The following MROH2A variants were observed in gnomAD, a reference collection of about 807,000 sequenced individuals.
The protein encoded by MROH2A is maestro heat-like repeat-containing protein family member 2A.
MROH2A carries 174 observed loss-of-function variants against 200.4 expected under a neutral mutation model. That is an observed-to-expected ratio of 0.87 (90% confidence interval 0.77 to 0.98). The LOEUF is 0.98. Ranked by LOEUF, MROH2A falls within the 50% of genes least tolerant of loss-of-function variation. The pLI is 0.00. For missense variants in MROH2A, 2,045 were observed against 2,139.6 expected (o/e 0.96, Z 0.87); for synonymous variants, 829 against 840.4 (o/e 0.99, Z 0.23).
At chr2:233,776,796 A>G (rs1700719723), upstream of MROH2A, among the ~76,000 whole-genome samples, 1 of 152,044 alleles carries the variant, frequency 6.6e-6, no homozygotes. Context: ...GGAGGAATCT[A>G]TTTCTCCAGC....
At chr2:233,809,804 T>A (rs1368751806) in intron 22 of MROH2A, among the ~76,000 whole-genome samples, 7 of 151,434 alleles carry the variant, frequency 4.6e-5, no homozygotes, top group Non-Finnish European at 1.5e-5. Context: ...TTCAGTGGCA[T>A]GAGGTACATT....
chr2:233,819,676 G>A (rs1703801118), intron 30 of MROH2A, among the ~76,000 whole-genome samples: 1 of 152,232 alleles, frequency 6.6e-6, no homozygotes, highest in South Asian at 2.1e-4. Flanking sequence ...ACGCTGACCT[G>A]GAGATCAAGG....
At position 233,799,806 on chromosome 2, in the gene MROH2A, T is replaced by C. The variant is rs750071338; in HGVS notation, c.1356T>C (p.Ile452=). ...TGAGGATGGCTATTCTCCACATCAT[T>C]GGGCAGTTGGCTCTCTGTGGCTACC... ...SKVRMAILHI[I]GQLALCGYQE... Residue 452 remains isoleucine, a synonymous_variant, in exon 13 of 42, where the codon ATT becomes ATC. Transcript: ENST00000389758. The C allele has an allele frequency of 6.4e-7, 1 of 1,550,452 alleles. No individual in the cohort carries two copies.
chr2:233,811,061 A>G, intron 23 of MROH2A, 145 bp downstream of exon 23: 1 of 905,570 alleles, frequency 1.1e-6, no homozygotes. Context: ...TCCTAACTGT[A>G]GGAGTTCTGA....
At position 233,823,025 on chromosome 2, in the gene MROH2A, C is replaced by T. The variant is rs1282516925; in HGVS notation, c.4004+7C>T. On this transcript the variant is annotated splice_region_variant and intron_variant, in intron 34 of 41. Transcript: ENST00000389758. ...GTGTGAGCCTGCTGGCCAGGTGGGC[C>T]CTGGCTCCCACAGGGTGGCAGGGGG... 3.2e-6 allele frequency: 5 copies of T among 1,549,908 alleles called. No individual in the cohort carries two copies. Among genetic ancestry groups the T allele is most frequent in the Non-Finnish European group, 4.4e-6 (5 of 1,146,868 alleles).
chr2:233,812,024 G>A (rs1421319829), intron 24 of MROH2A, 65 bp downstream of exon 24: 2 of 1,137,386 alleles, frequency 1.8e-6, no homozygotes, highest in Non-Finnish European at 1.3e-6. Flanking sequence ...CCATTCCTCG[G>A]TGCTCCTTCA....
chr2:233,783,411 T>G (rs1701044111), intron 3 of MROH2A, among the ~76,000 whole-genome samples: 1 of 152,204 alleles, frequency 6.6e-6, no homozygotes, highest in Non-Finnish European at 1.5e-5. Flanking sequence ...TACTGGTTCA[T>G]CGGAGTTTTC....
rs903159517 is a variant in MROH2A, at chr2:233,790,049, T to C, written c.571+35T>C. The C allele has an allele frequency of 5.9e-6, 9 of 1,516,050 alleles. No homozygotes were observed. In the Admixed American group the frequency reaches 1.2e-4, roughly 21 times the overall value. 93.9% of individuals were successfully genotyped at this position (1,516,050 alleles called of 1,614,324 possible). ...TGAGGGCCCTCAGCCGGGCCCAGTG[T>C]GCCCTTCTGGTCTCTGCCTCTCTCT... On this transcript the variant is annotated intron_variant, in intron 5 of 41. Coordinates refer to ENST00000389758, the MANE Select transcript of MROH2A (RefSeq NM_001394639.1).
chr2:233,802,566 C>T (rs953940198), intron 15 of MROH2A: 2 of 410,510 alleles, frequency 4.9e-6, no homozygotes, highest in Non-Finnish European at 4.4e-6. Context: ...AGCCCACAGC[C>T]CTGGTCCAGA....
At chr2:233,790,101 C>A in intron 5 of MROH2A, 87 bp downstream of exon 5, 1 of 1,216,302 alleles carries the variant, frequency 8.2e-7, no homozygotes, top group Non-Finnish European at 1.1e-6. Flanking sequence ...CCTATGTTCA[C>A]CTCTTCCTCT....
chr2:233,804,060 T>C lies in MROH2A; in HGVS notation c.1759T>C (p.Ser587Pro). ...KLLARLLVLMSSPYKGEGRGI... is the reference protein window; with the variant it reads ...KLLARLLVLMPSPYKGEGRGI... The stretch of plus-strand genomic sequence containing the variant: ...CCTTGGTGCCCTCCAGGTGCTGATG[T>C]CATCACCTTACAAGGGGGAGGGTCG... Residue 587 changes from serine to proline, a missense_variant, in exon 17 of 42, where the codon TCA (serine) becomes CCA (proline). Coordinates refer to ENST00000389758, the MANE Select transcript of MROH2A (RefSeq NM_001394639.1). 1 of 1,550,546 alleles carries C rather than the reference T, an allele frequency of 6.4e-7. No individual in the cohort carries two copies. Among genetic ancestry groups the C allele is most frequent in the East Asian group, 2.4e-5 (1 of 40,916 alleles).
In MROH2A at chr2:233,833,353, A is replaced by C; in HGVS notation, c.*94A>C. 1 of 1,311,358 alleles carries C rather than the reference A, an allele frequency of 7.6e-7. No homozygotes were observed. Among genetic ancestry groups the C allele is most frequent in the Middle Eastern group, 1.9e-4 (1 of 5,214 alleles). The allele number at this position is 1,311,358 out of a possible 1,614,324, so 81.2% of individuals were successfully genotyped here. A position where few individuals can be genotyped will look rare whatever the true frequency, so the allele number is the denominator to read the frequency against. On this transcript the variant is annotated 3_prime_UTR_variant, in exon 42 of 42. Coordinates refer to ENST00000389758, the MANE Select transcript of MROH2A (RefSeq NM_001394639.1). ...AAGAAGTTTAGTTTGTAGGAAAAACACTATTGTAAAATAACTAGTATCCTT... is the reference window on the plus strand; with the variant it reads ...AAGAAGTTTAGTTTGTAGGAAAAACCCTATTGTAAAATAACTAGTATCCTT...
In MROH2A at chr2:233,807,854, G is replaced by A. The variant is rs1052175675; in HGVS notation, c.2294G>A (p.Arg765Gln). The A allele has an allele frequency of 4.5e-6, 7 of 1,550,926 alleles. No individual in the cohort carries two copies. Among genetic ancestry groups the A allele is most frequent in the Admixed American group, 2.0e-5 (1 of 50,968 alleles). ...SEQSWQISAW[R>Q]KDHPWRRETV... ...CAGTCCTGGCAGATCAGTGCTTGGCGGGTAAGCCACCTTCCCTCCACAACT... is the reference window on the plus strand; with the variant it reads ...CAGTCCTGGCAGATCAGTGCTTGGCAGGTAAGCCACCTTCCCTCCACAACT... The change falls in exon 21 of 42, where the codon CGG becomes CAG. Residue 765 changes from arginine to glutamine, a missense_variant and splice_region_variant. Coordinates refer to ENST00000389758, the MANE Select transcript of MROH2A (RefSeq NM_001394639.1). This position sits in a 1 kb window ranked among gnomAD's most constrained non-coding sequence, Gnocchi z 4.3.
intron 21 of MROH2A, among the ~76,000 whole-genome samples, chr2:233,808,257 G>A (rs10189367): frequency 0.6 from 91,696 of 152,020 alleles, 27,870 homozygotes; most frequent in Middle Eastern, 0.7. Flanking sequence ...TGCCTCAGTG[G>A]ATGGACGGTG....
In MROH2A at chr2:233,832,190, C is replaced by T. The variant is rs922164827; in HGVS notation, c.4748C>T (p.Pro1583Leu). 4.3e-5 allele frequency: 66 copies of T among 1,550,438 alleles called. 1 individual carries two copies. In the Middle Eastern group the frequency reaches 6.7e-4, roughly 16 times the overall value. The part of the protein sequence containing the change: ...TMCSILTRKK[P>L]AVLYRFLLET... ...TACTTTTTGCAGACTCGGAAAAAGCCGGCTGTTCTCTACCGCTTCTTGCTA... is the reference window on the plus strand; with the variant it reads ...TACTTTTTGCAGACTCGGAAAAAGCTGGCTGTTCTCTACCGCTTCTTGCTA... Residue 1583 changes from proline (P) to leucine (L), a missense_variant, in exon 40 of 42, where the codon CCG becomes CTG. Pro to Leu is a moderately conservative substitution (Grantham distance 98). Coordinates refer to ENST00000389758, the MANE Select transcript of MROH2A (RefSeq NM_001394639.1).
intron 23 of MROH2A, 115 bp downstream of exon 23, chr2:233,811,031 C>CTGAGGGCAT: frequency 8.4e-7 from 1 of 1,197,040 alleles, no homozygotes; most frequent in Admixed American, 2.5e-5. Context: ...GAAGTCCTTC[C>CTGAGGGCAT]CTGTCTTGGC....
At chr2:233,824,850 A>C (rs571244982) in intron 35 of MROH2A, among the ~76,000 whole-genome samples, 2 of 152,312 alleles carry the variant, frequency 1.3e-5, no homozygotes, top group Non-Finnish European at 2.9e-5. Context: ...TTTTTTTCTA[A>C]TTCTGTGAAG....
At chr2:233,784,181 G>A (rs749488761) in intron 3 of MROH2A, among the ~76,000 whole-genome samples, 18 of 151,746 alleles carry the variant, frequency 1.2e-4, no homozygotes, top group East Asian at 3.9e-4. Context: ...TTTTATTGTC[G>A]TAAACTTCCC....
chr2:233,787,647 T>TATATATCATATATA (rs1701316504), intron 3 of MROH2A, among the ~76,000 whole-genome samples: 1 of 40,542 alleles, frequency 2.5e-5, no homozygotes, highest in African/African-American at 1.4e-4. Context: ...ATTATATATA[T>TATATATCATATATA]CATATATACA....
Sources: allele counts gnomAD v4.1 joint callset (sites outside exome capture counted in the v4.1 genomes callset), GRCh38; gene constraint gnomAD v4.1.1; non-coding constraint Gnocchi (gnomAD v3.1); transcripts MANE v1.5; gene names NCBI Gene and HGNC (gene_info 2026-07-23, HGNC 2026-07-21).